NHS: variants seen among roughly 807,000 people sequenced by gnomAD.
NHS encodes the protein NHS actin remodeling regulator.
Under a neutral mutation model 72.5 loss-of-function variants are expected in NHS, and 5 were observed. The observed-to-expected ratio is 0.07, with a 90% CI of 0.04 to 0.14. NHS has a LOEUF of 0.14. Ranked by LOEUF, NHS falls within the 10% of genes least tolerant of loss-of-function variation. NHS has a pLI of 1.00. For missense variants in NHS, 1,072 were observed against 1,355.7 expected (o/e 0.79, Z 3.29); for synonymous variants, 464 against 547.7 (o/e 0.85, Z 2.13).
At chrX:17,538,480 G>C (rs2065243132) in intron 1 of NHS, among the ~76,000 whole-genome samples, 1 of 111,855 alleles carries the variant, frequency 8.9e-6, no homozygotes, top group South Asian at 3.8e-4. Context: ...GGGAAACTAA[G>C]CAGAACACAC....
intron 1 of NHS, among the ~76,000 whole-genome samples, chrX:17,575,867 C>T (rs901289081): frequency 1.8e-5 from 2 of 111,671 alleles, no homozygotes; most frequent in African/African-American, 6.5e-5. Flanking sequence ...TCTCACTGCC[C>T]CAAATCTTCT....
intron 1 of NHS, among the ~76,000 whole-genome samples, chrX:17,474,654 CA>C (rs1485421157): frequency 1.8e-5 from 2 of 112,053 alleles, no homozygotes; most frequent in East Asian, 5.6e-4. Context: ...TTGTATTTTC[CA>C]AATGACCAGT....
At chrX:17,661,811 C>T (rs1199730294) in intron 1 of NHS, among the ~76,000 whole-genome samples, 1 of 111,941 alleles carries the variant, frequency 8.9e-6, no homozygotes, top group African/African-American at 3.3e-5. Context: ...ATTGTCCTTC[C>T]CTGAAGAAAG....
At chrX:17,389,108 G>T (rs1006545488) in intron 1 of NHS, among the ~76,000 whole-genome samples, 1 of 111,927 alleles carries the variant, frequency 8.9e-6, no homozygotes, top group Non-Finnish European at 1.9e-5. Flanking sequence ...AATTTAAAAA[G>T]TGTCCTAACT....
At chrX:17,492,760 T>C (rs1312658347) in intron 1 of NHS, among the ~76,000 whole-genome samples, 1 of 111,967 alleles carries the variant, frequency 8.9e-6, no homozygotes, top group Non-Finnish European at 1.9e-5. Context: ...TATTATTGTG[T>C]GGGAGTCTAA....
At chrX:17,479,196 T>C (rs986589036) in intron 1 of NHS, among the ~76,000 whole-genome samples, 10 of 112,211 alleles carry the variant, frequency 8.9e-5, no homozygotes, top group African/African-American at 2.9e-4. Flanking sequence ...AGATAGATGG[T>C]TTCCAGCTTC....
At chrX:17,641,331 T>C (rs577203951) in intron 1 of NHS, among the ~76,000 whole-genome samples, 2 of 111,892 alleles carry the variant, frequency 1.8e-5, no homozygotes, top group South Asian at 3.7e-4. Context: ...CAGCCACTGA[T>C]GGACTCAGAA....
rs565821866 is a variant in NHS, at chrX:17,677,737, G to A, written c.566-10005G>A. 9.8e-5 allele frequency among the ~76,000 whole-genome samples: 11 copies of A among 111,932 alleles called. No homozygotes were observed. In the South Asian group the frequency reaches 3.8e-3, roughly 39 times the overall value. On this transcript the variant is annotated intron_variant, in intron 1 of 8. Transcript: ENST00000676302. ...TGGGAGAATGGGTAAATAAACTACA[G>A]TGCACCCACCTGGTAGAACATTATA...
intron 1 of NHS, among the ~76,000 whole-genome samples, chrX:17,472,245 A>C (rs1055889733): frequency 2.7e-5 from 3 of 110,277 alleles, no homozygotes; most frequent in Non-Finnish European, 5.7e-5. Flanking sequence ...ATCCTAAGGT[A>C]GATCAGAGAA....
At chrX:17,462,454 G>A (rs2064851730) in intron 1 of NHS, among the ~76,000 whole-genome samples, 2 of 111,662 alleles carry the variant, frequency 1.8e-5, no homozygotes, top group Admixed American at 1.9e-4. Context: ...TGAGCTTATT[G>A]AAATTGAGTT....
chrX:17,626,497 A>G (rs2065798727), intron 1 of NHS, among the ~76,000 whole-genome samples: 1 of 111,969 alleles, frequency 8.9e-6, no homozygotes, highest in Non-Finnish European at 1.9e-5. Context: ...CCTGGAATGG[A>G]CTTCTTTCTG....
At chrX:17,378,185 G>T (rs929760976) in intron 1 of NHS, among the ~76,000 whole-genome samples, 5 of 111,405 alleles carry the variant, frequency 4.5e-5, no homozygotes, top group Non-Finnish European at 9.4e-5. Context: ...GCAGTGGGCA[G>T]TTATGTACCT....
chrX:17,669,412 A>AG (rs2066031305), intron 1 of NHS, among the ~76,000 whole-genome samples: 1 of 112,219 alleles, frequency 8.9e-6, no homozygotes, highest in African/African-American at 3.2e-5. Flanking sequence ...GGGCCATAGT[A>AG]GGGTCTTCAA....
At chrX:17,712,290 T>TAC (rs1308908423) in intron 3 of NHS, among the ~76,000 whole-genome samples, 1,124 of 52,856 alleles carry the variant, frequency 0.021, 43 homozygotes, top group East Asian at 0.07. Flanking sequence ...TATATATATA[T>TAC]ACACACACAC....
intron 1 of NHS, among the ~76,000 whole-genome samples, chrX:17,580,320 A>C (rs973859856): frequency 5.4e-5 from 6 of 111,457 alleles, no homozygotes; most frequent in Admixed American, 3.8e-4. Context: ...TCAGCTGCTA[A>C]TTTTCATTAA....
chrX:17,547,660 G>A (rs745511184), intron 1 of NHS, among the ~76,000 whole-genome samples: 1 of 112,902 alleles, frequency 8.9e-6, no homozygotes, highest in African/African-American at 3.2e-5. Context: ...TTTTATCTGA[G>A]TTGGGAAAAA....
intron 1 of NHS, chrX:17,687,329 G>C (rs1466400438): frequency 4.5e-6 from 1 of 222,146 alleles, no homozygotes; most frequent in Non-Finnish European, 8.4e-6. Context: ...CCTGCGGCCA[G>C]AAGGCTGGAG....
intron 1 of NHS, among the ~76,000 whole-genome samples, chrX:17,403,289 C>T (rs1057159816): frequency 1.8e-5 from 2 of 112,185 alleles, no homozygotes; most frequent in African/African-American, 6.5e-5. Context: ...GAGATTGGCA[C>T]ATACAGTCTA....
At position 17,473,866 on chromosome X, in the gene NHS, G is replaced by A. The variant is rs954334271; in HGVS notation, c.565+97544G>A. 7.2e-5 allele frequency among the ~76,000 whole-genome samples: 8 copies of A among 111,121 alleles called. 1 individual carries two copies. The highest frequency in any genetic ancestry group is 3.8e-4 in the Admixed American group (4 of 10,460). On this transcript the variant is annotated intron_variant, in intron 1 of 8. Transcript: ENST00000676302. The stretch of plus-strand genomic sequence containing the variant: ...TATGTGGTTATTACATATGTGGCCT[G>A]CATTCTTGCATTATATTTCACATGA...
Sources: gnomAD v4.1 joint callset for allele counts (sites outside exome capture counted in the v4.1 genomes callset) on GRCh38, gnomAD v4.1.1 for gene constraint, MANE v1.5 for transcripts, NCBI Gene and HGNC (gene_info 2026-07-23, HGNC 2026-07-21) for gene names.